The following EPHA6 variants were observed in gnomAD, a reference collection of about 807,000 sequenced individuals.
EPHA6 encodes the protein ephrin type-A receptor 6.
EPHA6 carries 50 observed loss-of-function variants against 112.0 expected under a neutral mutation model. The ratio of observed to expected loss-of-function variants is 0.45; its 90% confidence interval spans 0.36 to 0.56. The LOEUF is 0.56. EPHA6 is among the 20% of genes least tolerant of loss of function. EPHA6 has a pLI of 0.00. For missense variants in EPHA6, 1,280 were observed against 1,417.4 expected, an observed-to-expected ratio of 0.90 and a Z score of 1.56; for synonymous variants, 529 against 490.7, an observed-to-expected ratio of 1.08 and a Z score of -1.03.
chr3:97,234,561 A>G (rs1441470159), intron 4 of EPHA6, among the ~76,000 whole-genome samples: 1 of 152,148 alleles, frequency 6.6e-6, no homozygotes, highest in African/African-American at 2.4e-5. Flanking sequence ...CCTGTTATTC[A>G]TGACACTTAT....
At chr3:97,017,052 G>A (rs1463897715) in intron 3 of EPHA6, among the ~76,000 whole-genome samples, 1 of 152,076 alleles carries the variant, frequency 6.6e-6, no homozygotes, top group Non-Finnish European at 1.5e-5. Context: ...AGAGCAAGAT[G>A]GCCAAATAGA....
At chr3:97,532,618 CATA>C in intron 11 of EPHA6, 75 bp downstream of exon 11, 1 of 1,177,390 alleles carries the variant, frequency 8.5e-7, no homozygotes, top group Non-Finnish European at 1.2e-6. Context: ...GAAAAATCTT[CATA>C]ATAATACCAC....
rs552483692 is a variant in EPHA6, at chr3:97,279,173, A to C, written c.1606+34886A>C. Among the ~76,000 whole-genome samples, 25 of 152,308 alleles carry C rather than the reference A, an allele frequency of 1.6e-4. No individual in the cohort carries two copies. The South Asian group carries it at 4.8e-3, about 29-fold the overall frequency. ...AAGTATGAAAAGGGCCAGAACATCC[A>C]TTCCTAGTTTTGCTTTTACCTCCAA... is the stretch of plus-strand genomic sequence containing the variant. On this transcript the variant is annotated intron_variant, in intron 5 of 17. Transcript: ENST00000389672.
intron 3 of EPHA6, among the ~76,000 whole-genome samples, chr3:97,176,339 G>A (rs2076834711): frequency 6.6e-6 from 1 of 151,860 alleles, no homozygotes; most frequent in Non-Finnish European, 1.5e-5. Context: ...ATTTGTCAGA[G>A]ATATTGGCCT....
At chr3:96,928,859 T>A (rs1444522166) in intron 2 of EPHA6, among the ~76,000 whole-genome samples, 1 of 152,196 alleles carries the variant, frequency 6.6e-6, no homozygotes, top group Non-Finnish European at 1.5e-5. Context: ...ATTGAACTCT[T>A]TACCATTATG....
At chr3:96,826,210 G>T (rs920757463) in intron 1 of EPHA6, among the ~76,000 whole-genome samples, 5 of 151,980 alleles carry the variant, frequency 3.3e-5, no homozygotes, top group Non-Finnish European at 5.9e-5. Context: ...TCTGATAGTA[G>T]ATTATTTACT....
At chr3:97,737,046 G>A (rs1016430869) in intron 16 of EPHA6, among the ~76,000 whole-genome samples, 1 of 151,960 alleles carries the variant, frequency 6.6e-6, no homozygotes, top group African/African-American at 2.4e-5. Flanking sequence ...TCACAGCAGA[G>A]CACTTAAGAG....
intron 5 of EPHA6, among the ~76,000 whole-genome samples, chr3:97,328,001 G>GCACACACACA (rs2082546685): frequency 8.3e-6 from 1 of 119,854 alleles, no homozygotes; most frequent in African/African-American, 4.4e-5. Context: ...ATATGTGTAT[G>GCACACACACA]TATATGTATA....
chr3:97,756,392 T>G lies in EPHA6; in HGVS notation c.*7691T>G, dbSNP rs1326941055. Among the ~76,000 whole-genome samples, 1 of 152,006 alleles carries G rather than the reference T, an allele frequency of 6.6e-6. No homozygotes were observed. Among genetic ancestry groups the G allele is most frequent in the Non-Finnish European group, 1.5e-5 (1 of 67,834 alleles). ...TGTTTAAATATCCATTGGTATATTA[T>G]CAAGAGCTATTACTGCAATAACCTC... On this transcript the variant is annotated 3_prime_UTR_variant, in exon 18 of 18. Coordinates refer to ENST00000389672, the MANE Select transcript of EPHA6 (RefSeq NM_001080448.3).
At chr3:97,632,641 C>T (rs935011388) in intron 13 of EPHA6, among the ~76,000 whole-genome samples, 3 of 151,928 alleles carry the variant, frequency 2.0e-5, no homozygotes, top group African/African-American at 7.2e-5. Flanking sequence ...ACTCAGGTGA[C>T]AAAGACTAGA....
At chr3:97,503,519 GC>G (rs1257891159) in intron 10 of EPHA6, among the ~76,000 whole-genome samples, 1 of 152,114 alleles carries the variant, frequency 6.6e-6, no homozygotes, top group African/African-American at 2.4e-5. Context: ...ATGCACCAAA[GC>G]TTGAAGTCAC....
intron 10 of EPHA6, among the ~76,000 whole-genome samples, chr3:97,514,376 T>G (rs1577634303): frequency 6.6e-6 from 1 of 152,340 alleles, no homozygotes; most frequent in East Asian, 1.9e-4. Flanking sequence ...ATATGTACCC[T>G]TGTGAGTACG....
intron 5 of EPHA6, among the ~76,000 whole-genome samples, chr3:97,319,656 C>T (rs1228868614): frequency 3.0e-5 from 4 of 135,200 alleles, no homozygotes; most frequent in African/African-American, 8.5e-5. Flanking sequence ...GGCGACAGAG[C>T]GAGATTGTCT....
intron 2 of EPHA6, among the ~76,000 whole-genome samples, chr3:96,978,745 G>C (rs1210224134): frequency 6.6e-6 from 1 of 152,052 alleles, no homozygotes; most frequent in Non-Finnish European, 1.5e-5. Flanking sequence ...CACTGTATTT[G>C]AGAAGAATAA....
intron 13 of EPHA6, among the ~76,000 whole-genome samples, chr3:97,618,632 A>C (rs1221029729): frequency 6.6e-6 from 1 of 152,100 alleles, no homozygotes; most frequent in East Asian, 1.9e-4. Flanking sequence ...TACTATAAAC[A>C]CCTCTATTCA....
chr3:97,491,769 G>A (rs547887758), intron 10 of EPHA6, among the ~76,000 whole-genome samples: 8 of 151,822 alleles, frequency 5.3e-5, no homozygotes, highest in Admixed American at 3.3e-4. Flanking sequence ...ACATAATGTC[G>A]GCCCTGTGAG....
chr3:97,480,560 G>A (rs1441501071), intron 9 of EPHA6, among the ~76,000 whole-genome samples: 2 of 152,188 alleles, frequency 1.3e-5, no homozygotes, highest in East Asian at 1.9e-4. Context: ...TAAGGTTATA[G>A]ATTAACAGCA....
At chr3:96,943,213 T>G (rs2041073492) in intron 2 of EPHA6, among the ~76,000 whole-genome samples, 1 of 152,114 alleles carries the variant, frequency 6.6e-6, no homozygotes, top group African/African-American at 2.4e-5. Context: ...ATATATATTT[T>G]TTTCTTTATC....
intron 5 of EPHA6, among the ~76,000 whole-genome samples, chr3:97,396,633 C>T (rs547454334): frequency 8.6e-5 from 13 of 151,478 alleles, no homozygotes; most frequent in Middle Eastern, 3.6e-3. Flanking sequence ...TCAATTCTTT[C>T]GTAGCACTTT....
Sources: gnomAD v4.1 joint callset for allele counts (sites outside exome capture counted in the v4.1 genomes callset) on GRCh38, gnomAD v4.1.1 for gene constraint, MANE v1.5 for transcripts, NCBI Gene and HGNC (gene_info 2026-07-23, HGNC 2026-07-21) for gene names.